The following ZFAND3 variants were observed in gnomAD, a reference collection of about 807,000 sequenced individuals.
ZFAND3 encodes the protein AN1-type zinc finger protein 3.
ZFAND3 carries 10 observed loss-of-function variants against 29.6 expected under a neutral mutation model. That is an observed-to-expected ratio of 0.34 (90% CI 0.21 to 0.57). ZFAND3 has a LOEUF of 0.57. Ranked by LOEUF, ZFAND3 falls within the 20% of genes least tolerant of loss-of-function variation. ZFAND3 has a pLI of 0.86. For synonymous variants in ZFAND3, 128 were observed against 112.6 expected (o/e 1.14, Z -0.87); for missense variants, 230 against 304.5 (o/e 0.76, Z 1.82).
In ZFAND3 at chr6:37,865,901, A is replaced by G. The variant is rs546845074; in HGVS notation, c.71+45885A>G. On this transcript the variant is annotated intron_variant, in intron 1 of 5. Coordinates refer to ENST00000287218, the MANE Select transcript of ZFAND3 (RefSeq NM_021943.3). ...CTATGAAACTAGGAGTGGGGCTTTC[A>G]CCCTTCAGTCTTCCTGCATCTTTAG... Among the ~76,000 whole-genome samples the G allele has an allele frequency of 8.4e-4, 128 of 152,232 alleles. 1 individual carries two copies. The highest frequency in any genetic ancestry group is 3.0e-3 in the African/African-American group (126 of 41,544).
At chr6:37,847,144 C>T (rs957336306) in intron 1 of ZFAND3, among the ~76,000 whole-genome samples, 2 of 152,154 alleles carry the variant, frequency 1.3e-5, no homozygotes, top group Admixed American at 1.3e-4. Context: ...ATTTAATTTG[C>T]ACCAGTTTGA....
chr6:37,837,413 A>C (rs188087323), intron 1 of ZFAND3, among the ~76,000 whole-genome samples: 1 of 152,250 alleles, frequency 6.6e-6, no homozygotes, highest in Non-Finnish European at 1.5e-5. Context: ...TGCTATATGT[A>C]ACTGCTCTGT....
At chr6:37,839,753 T>A (rs1409946704) in intron 1 of ZFAND3, among the ~76,000 whole-genome samples, 1 of 151,900 alleles carries the variant, frequency 6.6e-6, no homozygotes, top group African/African-American at 2.4e-5. Flanking sequence ...GACCTCGTGA[T>A]CCACCTGCCT....
At chr6:37,882,198 T>C (rs1419723229) in intron 1 of ZFAND3, among the ~76,000 whole-genome samples, 1 of 152,144 alleles carries the variant, frequency 6.6e-6, no homozygotes, top group Non-Finnish European at 1.5e-5. Context: ...TTACTCTTTG[T>C]TTGTTTGCCA....
At chr6:38,033,397 T>G (rs1274159050) in intron 2 of ZFAND3, among the ~76,000 whole-genome samples, 1 of 152,194 alleles carries the variant, frequency 6.6e-6, no homozygotes, top group African/African-American at 2.4e-5. Flanking sequence ...TAGCTAGAGT[T>G]GATGTCATTG....
At chr6:37,884,426 G>A (rs1341879820) in intron 1 of ZFAND3, among the ~76,000 whole-genome samples, 7 of 140,118 alleles carry the variant, frequency 5.0e-5, no homozygotes, top group Non-Finnish European at 9.0e-5. Flanking sequence ...CCTGGGAGGC[G>A]GAGATTGCGG....
intron 1 of ZFAND3, among the ~76,000 whole-genome samples, chr6:37,907,339 A>G (rs1581751167): frequency 6.6e-6 from 1 of 152,186 alleles, no homozygotes; most frequent in Non-Finnish European, 1.5e-5. Flanking sequence ...ACACAATGCA[A>G]TATTATAGCA....
At chr6:37,847,988 G>C (rs1043978938) in intron 1 of ZFAND3, among the ~76,000 whole-genome samples, 1 of 152,204 alleles carries the variant, frequency 6.6e-6, no homozygotes, top group Non-Finnish European at 1.5e-5. Flanking sequence ...TTACAGAAAG[G>C]TTTGTTAATT....
At chr6:37,826,402 A>G (rs1341872135) in intron 1 of ZFAND3, among the ~76,000 whole-genome samples, 14 of 152,166 alleles carry the variant, frequency 9.2e-5, no homozygotes, top group Admixed American at 9.2e-4. Context: ...TGAGATATTT[A>G]AACATAAGAC....
At chr6:38,043,557 T>TCCTTCCCCTCTTCCC (rs553783751) in intron 2 of ZFAND3, among the ~76,000 whole-genome samples, 2 of 131,864 alleles carry the variant, frequency 1.5e-5, no homozygotes, top group East Asian at 2.4e-4. Flanking sequence ...CCCCTCTTCC[T>TCCTTCCCCTCTTCCC]CCTTCCCCTC....
At chr6:37,843,500 A>C (rs1292191276) in intron 1 of ZFAND3, among the ~76,000 whole-genome samples, 1 of 152,016 alleles carries the variant, frequency 6.6e-6, no homozygotes, top group African/African-American at 2.4e-5. Context: ...AAAAAAAAAA[A>C]ATGTGTTCCT....
At chr6:38,138,076 C>T (rs1414666519) in intron 5 of ZFAND3, among the ~76,000 whole-genome samples, 1 of 151,740 alleles carries the variant, frequency 6.6e-6, no homozygotes, top group Non-Finnish European at 1.5e-5. Context: ...ACTGGGGACG[C>T]GGAGGTGGGA....
chr6:38,056,011 G>C (rs552458504), intron 2 of ZFAND3, among the ~76,000 whole-genome samples: 23 of 152,304 alleles, frequency 1.5e-4, no homozygotes, highest in African/African-American at 5.5e-4. Context: ...ACCATAGTAA[G>C]TCTTGTGCTA....
intron 1 of ZFAND3, among the ~76,000 whole-genome samples, chr6:37,891,548 G>A (rs1039883686): frequency 1.4e-5 from 2 of 145,602 alleles, no homozygotes; most frequent in South Asian, 2.2e-4. Context: ...GCAGTGAGCC[G>A]AGATCACACC....
intron 2 of ZFAND3, among the ~76,000 whole-genome samples, chr6:38,061,329 G>A (rs9470759): frequency 0.027 from 4,136 of 151,836 alleles, 181 homozygotes; most frequent in African/African-American, 0.093. Flanking sequence ...TTTAACATGC[G>A]TCTTTGGCTT....
chr6:37,891,596 T>C (rs1352855536), intron 1 of ZFAND3, among the ~76,000 whole-genome samples: 1 of 147,440 alleles, frequency 6.8e-6, no homozygotes, highest in Non-Finnish European at 1.5e-5. Context: ...AAATAAATAA[T>C]AAATAAATAA....
chr6:37,903,965 A>G (rs1300035977), intron 1 of ZFAND3, among the ~76,000 whole-genome samples: 1 of 152,066 alleles, frequency 6.6e-6, no homozygotes, highest in Non-Finnish European at 1.5e-5. Context: ...CTGCTTGGAA[A>G]GGAATAAATA....
intron 1 of ZFAND3, among the ~76,000 whole-genome samples, chr6:37,822,464 A>G (rs1207112325): frequency 6.6e-6 from 1 of 152,188 alleles, no homozygotes; most frequent in Admixed American, 6.5e-5. Flanking sequence ...CTGACTTTGG[A>G]CATGTTTCCC....
At chr6:37,936,906 G>A (rs1036590829) in intron 2 of ZFAND3, among the ~76,000 whole-genome samples, 7 of 152,174 alleles carry the variant, frequency 4.6e-5, no homozygotes, top group Non-Finnish European at 7.4e-5. Context: ...AATGCTGGGC[G>A]CAGGGTGAAA....
Sources: allele counts gnomAD v4.1 joint callset (sites outside exome capture counted in the v4.1 genomes callset), GRCh38; gene constraint gnomAD v4.1.1; transcripts MANE v1.5; gene names NCBI Gene and HGNC (gene_info 2026-07-23, HGNC 2026-07-21).